Variants in HRH2 observed in about 807,000 individuals in gnomAD.
The protein encoded by HRH2 is histamine H2 receptor.
Under a neutral mutation model 20.1 loss-of-function variants are expected in HRH2, and 4 were observed. The ratio of observed to expected loss-of-function variants is 0.20; its 90% CI spans 0.10 to 0.45. HRH2 has a LOEUF of 0.45. Among genes scored for constraint, HRH2 ranks in the 20% least tolerant of loss-of-function variants. The pLI, the probability that HRH2 is intolerant of heterozygous loss-of-function variation, is 0.99. For synonymous variants in HRH2, 197 were observed against 200.7 expected, an observed-to-expected ratio of 0.98 and a Z score of 0.16; for missense variants, 250 against 461.6, an observed-to-expected ratio of 0.54 and a Z score of 4.20.
At chr5:175,688,543 G>A (rs1018295088) in intron 2 of HRH2, among the ~76,000 whole-genome samples, 3 of 152,246 alleles carry the variant, frequency 2.0e-5, no homozygotes, top group Admixed American at 1.3e-4. Context: ...TCTACAGCAG[G>A]CGTTGTCACG....
rs114379585 is a variant in HRH2, at chr5:175,696,106, G to A, written c.1077-11673G>A. 2.6e-3 allele frequency among the ~76,000 whole-genome samples: 390 copies of A among 152,372 alleles called. 2 individuals are homozygous for A. The highest frequency in any genetic ancestry group is 3.5e-3 in the South Asian group (17 of 4,832). On this transcript the variant is annotated intron_variant, in intron 2 of 2. Transcript: ENST00000636584. ...CCTCACAGGGCTGGGATGTAATGAG[G>A]GATGGTGACTGACATTGAGAATCAC...
In HRH2 at chr5:175,684,376, T is replaced by C. The variant is rs1055910862; in HGVS notation, c.1076+67T>C. On this transcript the variant is annotated intron_variant, in intron 2 of 2. Transcript: ENST00000636584. ...GAGGGGATGCTACTGATGGGAATGA[T>C]TAAGGGAGCTGCTGTTTAGGTGGTG... The C allele has an allele frequency of 1.2e-4, 182 of 1,555,180 alleles. 1 individual carries two copies. Among genetic ancestry groups the C allele is most frequent in the Admixed American group, 7.9e-5 (4 of 50,424 alleles).
In HRH2 at chr5:175,696,535, C is replaced by T. The variant is rs572184729; in HGVS notation, c.1077-11244C>T. On this transcript the variant is annotated intron_variant, in intron 2 of 2. Transcript: ENST00000636584. ...AGAACAGGATAAATATCTGTCATAT[C>T]GATCATGTGGAGGTTGTAAAAGTTA... Among the ~76,000 whole-genome samples the T allele has an allele frequency of 4.8e-4, 73 of 152,312 alleles. 1 individual carries two copies. Among genetic ancestry groups the T allele is most frequent in the Middle Eastern group, 6.8e-3 (2 of 294 alleles).
At chr5:175,685,116 G>A (rs1756125241) in intron 2 of HRH2, among the ~76,000 whole-genome samples, 1 of 152,192 alleles carries the variant, frequency 6.6e-6, no homozygotes, top group Admixed American at 6.5e-5. Context: ...TGTTCAGAGT[G>A]CGGGAGATGC....
At chr5:175,697,455 T>C (rs1392024759) in intron 2 of HRH2, among the ~76,000 whole-genome samples, 5 of 107,384 alleles carry the variant, frequency 4.7e-5, no homozygotes, top group Admixed American at 2.0e-4. Flanking sequence ...AGAGTGAGAC[T>C]CCGTCTCAAA....
intron 2 of HRH2, chr5:175,685,661 C>T: frequency 1.6e-6 from 1 of 633,982 alleles, no homozygotes; most frequent in Middle Eastern, 2.5e-4. Context: ...CCATCTCAGG[C>T]CTCAGTTTCC....
intron 2 of HRH2, among the ~76,000 whole-genome samples, chr5:175,692,251 C>T (rs906360527): frequency 6.6e-6 from 1 of 152,242 alleles, no homozygotes; most frequent in Non-Finnish European, 1.5e-5. Flanking sequence ...GCTGTGTTCT[C>T]ATAAAACTGT....
chr5:175,665,086 G>A (rs895849256), intron 1 of HRH2, among the ~76,000 whole-genome samples: 4 of 152,180 alleles, frequency 2.6e-5, no homozygotes, highest in East Asian at 1.9e-4. Context: ...CTTTTTCTTC[G>A]TCTTGTGCAG....
chr5:175,685,700 A>G, intron 2 of HRH2: 1 of 595,402 alleles, frequency 1.7e-6, no homozygotes, highest in Admixed American at 3.0e-5. Flanking sequence ...GTCTTCCCTC[A>G]CCGGGCTTCC....
chr5:175,682,215 C>T (rs530335775), intron 1 of HRH2, among the ~76,000 whole-genome samples: 4 of 152,336 alleles, frequency 2.6e-5, no homozygotes, highest in Admixed American at 2.0e-4. Flanking sequence ...AAAAGTTTGT[C>T]GGCCACCGCC....
At position 175,684,318 on chromosome 5, in the gene HRH2, C is replaced by T; in HGVS notation, c.1076+9C>T. ...CAGGGAGCCACAGACAGGTAATAGCCCTAGCCATTGGTGCACAGGATGGGG... is the reference window on the plus strand; with the variant it reads ...CAGGGAGCCACAGACAGGTAATAGCTCTAGCCATTGGTGCACAGGATGGGG... On this transcript the variant is annotated intron_variant, in intron 2 of 2. Transcript: ENST00000636584. The T allele has an allele frequency of 6.2e-7, 1 of 1,611,478 alleles. No individual in the cohort carries two copies. Among genetic ancestry groups the T allele is most frequent in the South Asian group, 1.1e-5 (1 of 90,962 alleles).
intron 2 of HRH2, among the ~76,000 whole-genome samples, chr5:175,696,392 GC>G (rs1396109181): frequency 1.3e-5 from 2 of 152,196 alleles, no homozygotes; most frequent in East Asian, 1.9e-4. Context: ...AAGGCAGGGA[GC>G]CCCCCACTTT....
rs1561732716 is a variant in HRH2, at chr5:175,686,370, TAAC to T, written c.1076+2067_1076+2069del. The T allele has an allele frequency of 6.6e-6, 1 of 152,322 alleles. No individual in the cohort carries two copies. The highest frequency in any genetic ancestry group is 2.1e-4 in the South Asian group (1 of 4,830). The allele number at this position is 152,322 out of a possible 1,614,324, so 9.4% of individuals were successfully genotyped here. A position where few individuals can be genotyped will look rare whatever the true frequency, so the allele number is the denominator to read the frequency against. On this transcript the variant is annotated intron_variant, in intron 2 of 2. Transcript: ENST00000636584. The surrounding 1 kb of genome is among the most constrained non-coding windows in gnomAD (Gnocchi z 4.7). ...GGAACTTATTCATTCAATAAGCACTTAACAACAATAGCTAACATTCATTGAGCA... is the reference window on the plus strand; with the variant it reads ...GGAACTTATTCATTCAATAAGCACTTAACAATAGCTAACATTCATTGAGCA...
chr5:175,700,606 T>A (rs746914504), intron 2 of HRH2, among the ~76,000 whole-genome samples: 23 of 152,066 alleles, frequency 1.5e-4, no homozygotes, highest in Non-Finnish European at 3.2e-4. Flanking sequence ...CAGGAGAAAT[T>A]GGCCTGGCAC....
intron 1 of HRH2, among the ~76,000 whole-genome samples, chr5:175,663,283 C>G (rs1426146591): frequency 2.6e-5 from 4 of 152,188 alleles, no homozygotes; most frequent in African/African-American, 7.2e-5. Flanking sequence ...GTCTTACATT[C>G]CCACCAGCAG....
At chr5:175,658,936 G>A (rs1762653646) in intron 1 of HRH2, among the ~76,000 whole-genome samples, 1 of 152,202 alleles carries the variant, frequency 6.6e-6, no homozygotes, top group Non-Finnish European at 1.5e-5. Flanking sequence ...TGAGGCGAAA[G>A]AGGTGGGGCA....
chr5:175,681,171 G>A lies in HRH2; in HGVS notation c.-525-1538G>A, dbSNP rs576391670. Among the ~76,000 whole-genome samples, 381 of 152,270 alleles carry A rather than the reference G, an allele frequency of 2.5e-3. No individual in the cohort carries two copies. Among genetic ancestry groups the A allele is most frequent in the South Asian group, 7.1e-3 (34 of 4,816 alleles). ...CAAAGTTAATTAAGTGTGGCGGTGA[G>A]ACCCATGCTGTTTGGGCTATTTATG... On this transcript the variant is annotated intron_variant, in intron 1 of 2. Coordinates refer to ENST00000636584, the MANE Select transcript of HRH2 (RefSeq NM_001367711.1). This position sits in a 1 kb window ranked among gnomAD's most constrained non-coding sequence, Gnocchi z 4.3.
intron 1 of HRH2, among the ~76,000 whole-genome samples, chr5:175,663,958 C>T (rs1166801428): frequency 1.3e-5 from 2 of 152,226 alleles, no homozygotes; most frequent in Non-Finnish European, 2.9e-5. Context: ...CAGCTCTGCC[C>T]CTATCTGATG....
intron 1 of HRH2, among the ~76,000 whole-genome samples, chr5:175,663,100 C>T (rs1470151960): frequency 6.6e-6 from 1 of 152,140 alleles, no homozygotes; most frequent in Non-Finnish European, 1.5e-5. Context: ...TGCTTTGGGG[C>T]TATAATGAAT....
Sources: gnomAD v4.1 joint callset for allele counts (sites outside exome capture counted in the v4.1 genomes callset) on GRCh38, gnomAD v4.1.1 for gene constraint, Gnocchi (gnomAD v3.1) non-coding constraint, MANE v1.5 for transcripts, NCBI Gene and HGNC (gene_info 2026-07-23, HGNC 2026-07-21) for gene names.